Variants in DPF3 observed in about 807,000 individuals in gnomAD.
The protein encoded by DPF3 is zinc finger protein DPF3.
A neutral mutation model predicts 56.8 loss-of-function variants in DPF3; 18 were observed. That is an observed-to-expected ratio of 0.32 (90% CI 0.22 to 0.47). DPF3 has a LOEUF of 0.47. DPF3 is among the 20% of genes least tolerant of loss of function. The pLI, the probability that DPF3 is intolerant of heterozygous loss-of-function variation, is 1.00. For synonymous variants in DPF3, 188 were observed against 180.2 expected, an observed-to-expected ratio of 1.04 and a Z score of -0.35; for missense variants, 403 against 488.8, an observed-to-expected ratio of 0.82 and a Z score of 1.65.
chr14:72,873,815 T>A (rs1356167618), intron 1 of DPF3, among the ~76,000 whole-genome samples: 1 of 149,670 alleles, frequency 6.7e-6, no homozygotes, highest in Non-Finnish European at 1.5e-5. Flanking sequence ...CAGCAAACTA[T>A]CACAAGGACA....
intron 1 of DPF3, among the ~76,000 whole-genome samples, chr14:72,830,979 C>A (rs1225864392): frequency 6.6e-6 from 1 of 152,164 alleles, no homozygotes; most frequent in African/African-American, 2.4e-5. Flanking sequence ...CTGTGGAAGC[C>A]GTATCAATCG....
At chr14:72,734,706 C>A (rs893169749) in intron 3 of DPF3, among the ~76,000 whole-genome samples, 1 of 152,020 alleles carries the variant, frequency 6.6e-6, no homozygotes, top group African/African-American at 2.4e-5. Context: ...GATGCGTCAC[C>A]CGAGACCCTG....
rs1251694464 is a variant in DPF3 at position 72,763,867 on chromosome 14, A to C, written c.193+7866T>G. On this transcript the variant is annotated intron_variant, in intron 2 of 10. Coordinates refer to ENST00000556509, the MANE Select transcript of DPF3 (RefSeq NM_001280542.3). The stretch of plus-strand genomic sequence containing the variant: ...AACTTATTGTATCTAGAATATATAA[A>C]GAACAATCAAAATTCAATAATAAGC... Among the ~76,000 whole-genome samples the C allele has an allele frequency of 3.9e-5, 6 of 152,378 alleles. No individual in the cohort carries two copies. The East Asian group carries it at 1.2e-3, about 29-fold the overall frequency.
chr14:72,874,377 G>A (rs527450729), intron 1 of DPF3, among the ~76,000 whole-genome samples: 218 of 151,862 alleles, frequency 1.4e-3, no homozygotes, highest in African/African-American at 5.1e-3. Context: ...TACTCGAAAG[G>A]CTAAGGCAGG....
At chr14:72,719,735 T>C (rs1334542130) in intron 5 of DPF3, among the ~76,000 whole-genome samples, 1 of 152,170 alleles carries the variant, frequency 6.6e-6, no homozygotes, top group Non-Finnish European at 1.5e-5. Context: ...TTCCAAGAGT[T>C]ATTCCCTTTG....
chr14:72,638,443 T>C (rs902612249), intron 8 of DPF3, among the ~76,000 whole-genome samples: 1 of 152,214 alleles, frequency 6.6e-6, no homozygotes, highest in African/African-American at 2.4e-5. Flanking sequence ...TTGCTTAGAT[T>C]GGAAACCCTG....
At chr14:72,794,833 T>G (rs549118373) in intron 1 of DPF3, among the ~76,000 whole-genome samples, 5 of 152,288 alleles carry the variant, frequency 3.3e-5, no homozygotes, top group Admixed American at 6.5e-5. Context: ...GCTGTATTCC[T>G]TTTGGAAGCT....
In DPF3 at chr14:72,865,524, T is replaced by C. The variant is rs77105589; in HGVS notation, c.32+28533A>G. 3.4e-3 allele frequency among the ~76,000 whole-genome samples: 518 copies of C among 152,286 alleles called. 1 individual carries two copies. The highest frequency in any genetic ancestry group is 0.012 in the African/African-American group (491 of 41,558). On this transcript the variant is annotated intron_variant, in intron 1 of 10. Coordinates refer to ENST00000556509, the MANE Select transcript of DPF3 (RefSeq NM_001280542.3). The stretch of plus-strand genomic sequence containing the variant: ...CTTGAACAAATCTGGGGTGAAATCA[T>C]CGGCTGAGAGCAGAGAGATGGAAAG...
In DPF3 at chr14:72,611,423, C is replaced by G. The variant is rs1883716619; in HGVS notation, c.*7874G>C. Reference sequence around the variant, plus strand: ...ACCTCTCTGATGCTGGGTTTCATCCCTGCACACACCAGCAGTGCCAGATAC... The same window carrying G: ...ACCTCTCTGATGCTGGGTTTCATCCGTGCACACACCAGCAGTGCCAGATAC... On this transcript the variant is annotated 3_prime_UTR_variant, in exon 11 of 11. Transcript: ENST00000556509. Among the ~76,000 whole-genome samples, 1 of 152,240 alleles carries G rather than the reference C, an allele frequency of 6.6e-6. No homozygotes were observed. Among genetic ancestry groups the G allele is most frequent in the African/African-American group, 2.4e-5 (1 of 41,464 alleles).
At chr14:72,655,235 C>T (rs1395533863) in intron 8 of DPF3, among the ~76,000 whole-genome samples, 2 of 152,062 alleles carry the variant, frequency 1.3e-5, no homozygotes, top group East Asian at 1.9e-4. Flanking sequence ...GAAAGAATGC[C>T]GATCACTTCT....
chr14:72,731,755 G>A, intron 4 of DPF3, 52 bp downstream of exon 4: 1 of 1,608,138 alleles, frequency 6.2e-7, no homozygotes, highest in Non-Finnish European at 8.5e-7. Flanking sequence ...AGTTCTGGAA[G>A]CGCTATGGTG....
intron 1 of DPF3, among the ~76,000 whole-genome samples, chr14:72,813,300 G>C (rs1883141479): frequency 6.6e-6 from 1 of 152,130 alleles, no homozygotes; most frequent in South Asian, 2.1e-4. Flanking sequence ...GCTCAGGTGA[G>C]GGGACATGGT....
chr14:72,666,873 T>A (rs1886464959), intron 8 of DPF3, among the ~76,000 whole-genome samples: 1 of 152,116 alleles, frequency 6.6e-6, no homozygotes, highest in Non-Finnish European at 1.5e-5. Context: ...AACAGATGAG[T>A]CTGCTCCAAT....
intron 1 of DPF3, among the ~76,000 whole-genome samples, chr14:72,871,084 C>T (rs776471242): frequency 1.3e-4 from 20 of 152,206 alleles, no homozygotes; most frequent in Non-Finnish European, 2.2e-4. Flanking sequence ...CCCAGATAAA[C>T]CCGTCAGATC....
intron 8 of DPF3, chr14:72,661,824 AT>A: frequency 2.0e-6 from 2 of 981,342 alleles, no homozygotes; most frequent in Non-Finnish European, 2.4e-6. Flanking sequence ...GACTGAACTA[AT>A]ATCACCTCAG....
chr14:72,671,162 T>C lies in DPF3; in HGVS notation c.871+3078A>G. 1.9e-6 allele frequency: 3 copies of C among 1,613,962 alleles called. No homozygotes were observed. The highest frequency in any genetic ancestry group is 2.5e-6 in the Non-Finnish European group (3 of 1,179,878). On this transcript the variant is annotated intron_variant, in intron 8 of 10. Transcript: ENST00000556509. ...TAGCAACTGCCCTTTTTATCTGCTG[T>C]GGGCGAACCCCGGCCACTGCGGCGT...
intron 1 of DPF3, among the ~76,000 whole-genome samples, chr14:72,801,693 G>A (rs575683052): frequency 1.3e-5 from 2 of 152,250 alleles, no homozygotes; most frequent in African/African-American, 4.8e-5. Flanking sequence ...CAGGATATGG[G>A]TGTCCAGTGG....
At chr14:72,880,651 G>A (rs1039519392) in intron 1 of DPF3, among the ~76,000 whole-genome samples, 1 of 152,056 alleles carries the variant, frequency 6.6e-6, no homozygotes, top group African/African-American at 2.4e-5. Flanking sequence ...CAACCTCTTG[G>A]GCTCGGGTGA....
intron 8 of DPF3, among the ~76,000 whole-genome samples, chr14:72,655,436 C>G (rs1886035641): frequency 6.6e-6 from 1 of 152,136 alleles, no homozygotes; most frequent in Admixed American, 6.5e-5. Flanking sequence ...GTCCTGTGAG[C>G]AATTATGAAA....
Sources: allele counts gnomAD v4.1 joint callset (sites outside exome capture counted in the v4.1 genomes callset), GRCh38; gene constraint gnomAD v4.1.1; transcripts MANE v1.5; gene names NCBI Gene and HGNC (gene_info 2026-07-23, HGNC 2026-07-21).